TNIK: variants seen among roughly 807,000 people sequenced by gnomAD.
The protein encoded by TNIK is TRAF2 and NCK-interacting protein kinase.
In TNIK, 49 loss-of-function variants were observed where a neutral mutation model predicts 191.3. The observed-to-expected ratio is 0.26, with a 90% CI of 0.20 to 0.32. The LOEUF (loss-of-function observed/expected upper bound fraction) is 0.32, where lower values mean the gene tolerates loss of function less well. Ranked by LOEUF, TNIK falls within the 10% of genes least tolerant of loss-of-function variation. TNIK has a pLI of 1.00. For missense variants in TNIK, 1,155 were observed against 1,702.3 expected, an observed-to-expected ratio of 0.68 and a Z score of 5.66; for synonymous variants, 594 against 600.9, an observed-to-expected ratio of 0.99 and a Z score of 0.17.
intron 19 of TNIK, among the ~76,000 whole-genome samples, chr3:171,109,774 TG>T (rs1725559070): frequency 2.0e-5 from 3 of 152,352 alleles, no homozygotes; most frequent in Admixed American, 6.5e-5. Context: ...TGTATTATTA[TG>T]TATCAGCACC....
chr3:171,125,816 G>C (rs1010777947), intron 17 of TNIK, 96 bp downstream of exon 17: 22 of 1,524,718 alleles, frequency 1.4e-5, no homozygotes, highest in African/African-American at 2.8e-5. Context: ...GCTTTGGCAT[G>C]ATCACATTCT....
At chr3:171,342,742 G>C (rs1711508042) in intron 2 of TNIK, among the ~76,000 whole-genome samples, 1 of 152,230 alleles carries the variant, frequency 6.6e-6, no homozygotes, top group Admixed American at 6.5e-5. Context: ...TTCAAATAAT[G>C]TATGCAGTTA....
intron 2 of TNIK, among the ~76,000 whole-genome samples, chr3:171,344,033 C>G (rs1474780702): frequency 6.6e-6 from 1 of 152,162 alleles, no homozygotes; most frequent in Non-Finnish European, 1.5e-5. Flanking sequence ...CAACTTAGTT[C>G]TTAAATTCTG....
intron 8 of TNIK, 58 bp downstream of exon 8, chr3:171,177,268 A>T (rs1736080793): frequency 6.4e-7 from 1 of 1,550,830 alleles, no homozygotes; most frequent in African/African-American, 1.4e-5. Context: ...TGGCAAGGAA[A>T]CTTCAGTACC....
chr3:171,313,482 G>C (rs1464314416), intron 2 of TNIK, among the ~76,000 whole-genome samples: 1 of 152,078 alleles, frequency 6.6e-6, no homozygotes, highest in Non-Finnish European at 1.5e-5. Context: ...TTTGTAGGTA[G>C]CAAAGTATAT....
chr3:171,127,425 CAAAAAATA>C (rs1284310327), intron 16 of TNIK, among the ~76,000 whole-genome samples: 2 of 150,268 alleles, frequency 1.3e-5, no homozygotes, highest in Non-Finnish European at 3.0e-5. Flanking sequence ...TTAAAAGAGC[CAAAAAATA>C]AAAAAATAAA....
chr3:171,157,486 T>A lies in TNIK; in HGVS notation c.1195A>T (p.Lys399Ter), dbSNP rs1161288887. Residue 399 changes from lysine to a stop codon, truncating the protein, a stop_gained, in exon 12 of 33, where the codon AAA becomes TAA. Coordinates refer to ENST00000436636, the MANE Select transcript of TNIK (RefSeq NM_015028.4). LOFTEE classifies it high-confidence loss of function. ...TCCTCCAGCCGCCGCCTCTGCTCTTTCTGCTCCTCGATGCGCTTCTGACGC... is the reference window on the plus strand; with the variant it reads ...TCCTCCAGCCGCCGCCTCTGCTCTTACTGCTCCTCGATGCGCTTCTGACGC... ...AERQKRIEEQKEQRRRLEEQQ... is the reference protein window; with the variant it reads ...AERQKRIEEQ 6.4e-7 allele frequency: 1 copy of A among 1,572,456 alleles called. No individual in the cohort carries two copies. Among genetic ancestry groups the A allele is most frequent in the Non-Finnish European group, 8.6e-7 (1 of 1,159,462 alleles).
intron 2 of TNIK, among the ~76,000 whole-genome samples, chr3:171,319,937 G>A (rs1217428965): frequency 1.3e-5 from 2 of 152,162 alleles, no homozygotes; most frequent in Non-Finnish European, 2.9e-5. Context: ...GAAATTTAGA[G>A]CATCAGCCCT....
intron 15 of TNIK, among the ~76,000 whole-genome samples, chr3:171,131,966 A>G (rs4955769): frequency 1.3e-5 from 2 of 152,222 alleles, no homozygotes; most frequent in Admixed American, 1.3e-4. Flanking sequence ...GAGACAAAAA[A>G]AGAAAGTCTC....
At chr3:171,191,537 C>T (rs1348029240) in intron 5 of TNIK, among the ~76,000 whole-genome samples, 1 of 152,236 alleles carries the variant, frequency 6.6e-6, no homozygotes, top group African/African-American at 2.4e-5. Flanking sequence ...AGCACCCGGC[C>T]TTGTTATACA....
At chr3:171,362,363 A>T (rs1715108127) in intron 2 of TNIK, among the ~76,000 whole-genome samples, 1 of 152,186 alleles carries the variant, frequency 6.6e-6, no homozygotes, top group South Asian at 2.1e-4. Context: ...GGTTGGTGCA[A>T]AAGTATTGTC....
chr3:171,110,646 A>G (rs1296667998), intron 19 of TNIK, 68 bp downstream of exon 19: 1 of 1,491,448 alleles, frequency 6.7e-7, no homozygotes, highest in Non-Finnish European at 9.0e-7. Flanking sequence ...GAAGTAACTA[A>G]CCTTTTTCCC....
At position 171,408,690 on chromosome 3, in the gene TNIK, T is replaced by G. The variant is rs574336439; in HGVS notation, c.58-39005A>C. Among the ~76,000 whole-genome samples, 11 of 152,296 alleles carry G rather than the reference T, an allele frequency of 7.2e-5. No individual in the cohort carries two copies. In the South Asian group the frequency reaches 2.1e-3, roughly 29 times the overall value. On this transcript the variant is annotated intron_variant, in intron 1 of 32. Coordinates refer to ENST00000436636, the MANE Select transcript of TNIK (RefSeq NM_015028.4). Reference sequence around the variant, plus strand: ...GTTGTGATGATTAAATGAAGTGCCATGCTAAAGGGCCTGATACCTACCAGA... The same window carrying G: ...GTTGTGATGATTAAATGAAGTGCCAGGCTAAAGGGCCTGATACCTACCAGA...
intron 2 of TNIK, among the ~76,000 whole-genome samples, chr3:171,272,147 C>A (rs1577315545): frequency 6.6e-6 from 1 of 152,176 alleles, no homozygotes; most frequent in Admixed American, 6.5e-5. Context: ...TGGTTCCTGG[C>A]CACCATGCAA....
At chr3:171,397,080 G>C (rs572044143) in intron 1 of TNIK, among the ~76,000 whole-genome samples, 1 of 152,222 alleles carries the variant, frequency 6.6e-6, no homozygotes, top group African/African-American at 2.4e-5. Flanking sequence ...GAAGGAAAGA[G>C]ATTAAGGAGC....
At chr3:171,175,201 C>T (rs1197104636) in intron 9 of TNIK, 51 bp downstream of exon 9, 6 of 1,552,376 alleles carry the variant, frequency 3.9e-6, no homozygotes, top group Middle Eastern at 1.7e-4. Context: ...AAAATAGAAT[C>T]ACAAGAAAAC....
chr3:171,371,632 G>A (rs565488134), intron 1 of TNIK, among the ~76,000 whole-genome samples: 4 of 152,184 alleles, frequency 2.6e-5, no homozygotes, highest in Admixed American at 1.3e-4. Flanking sequence ...GCTCTGAGTC[G>A]ACCAACACCC....
chr3:171,374,304 CAT>C (rs1716931939), intron 1 of TNIK, among the ~76,000 whole-genome samples: 1 of 152,142 alleles, frequency 6.6e-6, no homozygotes, highest in African/African-American at 2.4e-5. Context: ...AAATAAAATC[CAT>C]AGAGCCTGTT....
At position 171,101,558 on chromosome 3, in the gene TNIK, C is replaced by T. The variant is rs758624618; in HGVS notation, c.2482G>A (p.Asp828Asn). The T allele has an allele frequency of 5.0e-5, 81 of 1,613,488 alleles. No individual in the cohort carries two copies. Among genetic ancestry groups the T allele is most frequent in the Non-Finnish European group, 6.9e-5 (81 of 1,179,570 alleles). The change falls in exon 22 of 33, where the codon GAT becomes AAT. Residue 828 changes from aspartate to asparagine, a missense_variant. Around this residue, in one of 3 missense-constraint regions of TNIK, gnomAD observed 735 missense variants for 848.0 expected, o/e 0.87. Coordinates refer to ENST00000436636, the MANE Select transcript of TNIK (RefSeq NM_015028.4). The stretch of plus-strand genomic sequence containing the variant: ...GACTCCTCACTGGAGGAGGAGTAAT[C>T]AGTCACCTTCTTCATTGGGCGGTTT... ...ETNRPMKKVTDYSSSSEESES... is the reference protein window; with the variant it reads ...ETNRPMKKVTNYSSSSEESES...
Sources: gnomAD v4.1 joint callset for allele counts (sites outside exome capture counted in the v4.1 genomes callset) on GRCh38, gnomAD v4.1.1 for gene constraint, gnomAD v4.1.1 regional missense constraint, MANE v1.5 for transcripts, NCBI Gene and HGNC (gene_info 2026-07-23, HGNC 2026-07-21) for gene names.